Variants in ADARB1 observed in about 807,000 individuals in gnomAD.
The protein encoded by ADARB1 is double-stranded RNA-specific editase 1.
Under a neutral mutation model 52.4 loss-of-function variants are expected in ADARB1, and 10 were observed. The observed-to-expected ratio is 0.19, with a 90% CI of 0.12 to 0.32. The LOEUF is 0.32. Among genes scored for constraint, ADARB1 ranks in the 10% least tolerant of loss-of-function variants. ADARB1 has a pLI of 1.00. For synonymous variants in ADARB1, 349 were observed against 371.1 expected, an observed-to-expected ratio of 0.94 and a Z score of 0.68; for missense variants, 643 against 922.3, an observed-to-expected ratio of 0.70 and a Z score of 3.92.
chr21:45,147,877 G>A (rs1030957486), intron 2 of ADARB1, among the ~76,000 whole-genome samples: 2 of 152,130 alleles, frequency 1.3e-5, no homozygotes, highest in East Asian at 1.9e-4. Flanking sequence ...TGAGCCCCAC[G>A]CAGCGGTTCC....
chr21:45,127,355 G>A (rs948263022), intron 1 of ADARB1, among the ~76,000 whole-genome samples: 1 of 152,216 alleles, frequency 6.6e-6, no homozygotes, highest in Non-Finnish European at 1.5e-5. Context: ...CATTCTCTGT[G>A]CTGGACAAGA....
chr21:45,186,834 G>A (rs775055683), intron 8 of ADARB1, among the ~76,000 whole-genome samples: 1 of 152,160 alleles, frequency 6.6e-6, no homozygotes, highest in Non-Finnish European at 1.5e-5. Context: ...TGTTGAAGAT[G>A]ATTTGAACAT....
chr21:45,141,706 T>C (rs1164427996), intron 2 of ADARB1, among the ~76,000 whole-genome samples: 2 of 142,540 alleles, frequency 1.4e-5, no homozygotes, highest in South Asian at 2.3e-4. Flanking sequence ...CCCTGGGCCA[T>C]GTTAGCCACC....
intron 2 of ADARB1, among the ~76,000 whole-genome samples, chr21:45,161,852 G>C (rs555029010): frequency 1.3e-5 from 2 of 152,168 alleles, no homozygotes; most frequent in Non-Finnish European, 2.9e-5. Flanking sequence ...AAAAACCCCC[G>C]GACTCAGCCA....
intron 2 of ADARB1, among the ~76,000 whole-genome samples, chr21:45,165,008 AGGAGTTG>A (rs2091185571): frequency 6.6e-6 from 1 of 152,296 alleles, no homozygotes; most frequent in African/African-American, 2.4e-5. Flanking sequence ...CAGGTGAACA[AGGAGTTG>A]GCCTTTGTCA....
At chr21:45,114,147 A>G (rs1404009059) in intron 1 of ADARB1, among the ~76,000 whole-genome samples, 1 of 152,214 alleles carries the variant, frequency 6.6e-6, no homozygotes, top group Non-Finnish European at 1.5e-5. Flanking sequence ...GCGGTGGCTT[A>G]CACCAGGGAA....
intron 2 of ADARB1, among the ~76,000 whole-genome samples, chr21:45,165,407 T>G (rs769745272): frequency 3.3e-5 from 5 of 152,224 alleles, no homozygotes; most frequent in Non-Finnish European, 7.3e-5. Flanking sequence ...CCTTTTGCAT[T>G]GCACTAGAAA....
intron 9 of ADARB1, among the ~76,000 whole-genome samples, chr21:45,218,762 C>G (rs565029204): frequency 3.5e-4 from 53 of 152,302 alleles, no homozygotes; most frequent in African/African-American, 1.2e-3. Flanking sequence ...GTGGGGGTGG[C>G]CTCCACAGGG....
intron 1 of ADARB1, among the ~76,000 whole-genome samples, chr21:45,125,265 A>G (rs1326944732): frequency 6.6e-6 from 1 of 152,188 alleles, no homozygotes; most frequent in Non-Finnish European, 1.5e-5. Flanking sequence ...ACTTAGTGAC[A>G]TAAACAACAA....
rs1602075102 is a variant in ADARB1 at position 45,221,214 on chromosome 21, G to A, written c.1926+200G>A. 6.6e-6 allele frequency among the ~76,000 whole-genome samples: 1 copy of A among 152,220 alleles called. No individual in the cohort carries two copies. Among genetic ancestry groups the A allele is most frequent in the Non-Finnish European group, 1.5e-5 (1 of 68,040 alleles). On this transcript the variant is annotated intron_variant, in intron 10 of 10. Transcript: ENST00000348831. The surrounding 1 kb of genome is among the most constrained non-coding windows in gnomAD (Gnocchi z 4.9). Reference sequence around the variant, plus strand: ...CCTGAAACCTTAATGCCATCTCAAAGGCAGCTCTTTTCCTCCCTGCTGCAG... The same window carrying A: ...CCTGAAACCTTAATGCCATCTCAAAAGCAGCTCTTTTCCTCCCTGCTGCAG...
At position 45,224,648 on chromosome 21, in the gene ADARB1, A is replaced by T. The variant is rs11701974; in HGVS notation, c.*2451A>T. On this transcript the variant is annotated 3_prime_UTR_variant, in exon 11 of 11. Transcript: ENST00000348831. ...GGGAGCCCTGGGCGGGGTGGCTGTC[A>T]GGGGGAACTGGGTTCCGGGAGCCCT... The T allele has an allele frequency of 1.2e-6, 1 of 827,650 alleles. No homozygotes were observed. Among genetic ancestry groups the T allele is most frequent in the South Asian group, 5.8e-5 (1 of 17,166 alleles). 51.3% of individuals were successfully genotyped at this position (827,650 alleles called of 1,614,324 possible).
Position 45,203,056 on chromosome 21 carries a change from C to T in ADARB1, c.1566-1499C>T, listed in dbSNP as rs531776712. Among the ~76,000 whole-genome samples, 6 of 152,354 alleles carry T rather than the reference C, an allele frequency of 3.9e-5. No homozygotes were observed. The East Asian group carries it at 5.8e-4, about 15-fold the overall frequency. ...CCTGCAGCGCGTGCCACACTGCTGACGCCACTTCGTAAAATGCGCATGCGC... is the reference window on the plus strand; with the variant it reads ...CCTGCAGCGCGTGCCACACTGCTGATGCCACTTCGTAAAATGCGCATGCGC... On this transcript the variant is annotated intron_variant, in intron 8 of 10. Transcript: ENST00000348831.
In ADARB1 at chr21:45,176,141, A is replaced by C; in HGVS notation, c.440A>C (p.Asn147Thr). 6.2e-7 allele frequency: 1 copy of C among 1,614,154 alleles called. No homozygotes were observed. The highest frequency in any genetic ancestry group is 8.5e-7 in the Non-Finnish European group (1 of 1,180,024). The part of the protein sequence containing the change: ...KALRSFVQFP[N>T]ASEAHLAMGR... ...TTGAGGTCTTTCGTTCAGTTTCCTA[A>C]TGCCTCTGAGGCCCACCTGGCCATG... The change falls in exon 4 of 11, where the codon AAT becomes ACT. Residue 147 changes from asparagine (N) to threonine (T), a missense_variant. This residue lies in a region of ADARB1 where 380 missense variants were observed against 446.5 expected (regional missense o/e 0.85). Transcript: ENST00000348831. The surrounding 1 kb of genome is among the most constrained non-coding windows in gnomAD (Gnocchi z 5.8).
At chr21:45,076,207 A>C (rs3788152) in intron 1 of ADARB1, among the ~76,000 whole-genome samples, 16,807 of 152,306 alleles carry the variant, frequency 0.11, 1,232 homozygotes, top group East Asian at 0.27. Flanking sequence ...AAGAAAGGAT[A>C]AAAGCTTGGC....
Position 45,223,022 on chromosome 21 carries a change from G to C in ADARB1, c.*825G>C. The C allele has an allele frequency of 1.0e-6, 1 of 985,414 alleles. No individual in the cohort carries two copies. The highest frequency in any genetic ancestry group is 1.7e-5 in the African/African-American group (1 of 57,348). The allele number at this position is 985,414 out of a possible 1,614,324, so 61.0% of individuals were successfully genotyped here. Reference sequence around the variant, plus strand: ...GATAATACATGGCCAGTAATCCCAGGCTGGCCATTCATTCAGGTTTTTTAA... The same window carrying C: ...GATAATACATGGCCAGTAATCCCAGCCTGGCCATTCATTCAGGTTTTTTAA... On this transcript the variant is annotated 3_prime_UTR_variant, in exon 11 of 11. Transcript: ENST00000348831.
intron 9 of ADARB1, among the ~76,000 whole-genome samples, chr21:45,211,781 C>T (rs57570541): frequency 0.024 from 3,689 of 152,188 alleles, 149 homozygotes; most frequent in African/African-American, 0.085. Context: ...GTTTCTGTAC[C>T]GCGGCCTGGG....
At chr21:45,152,630 C>T in intron 2 of ADARB1, 1 of 448,918 alleles carries the variant, frequency 2.2e-6, no homozygotes, top group South Asian at 1.6e-5. Context: ...CACCACTGGG[C>T]CTTTGCACAT....
intron 2 of ADARB1, among the ~76,000 whole-genome samples, chr21:45,136,785 GTC>G (rs1408436580): frequency 1.3e-5 from 2 of 152,260 alleles, no homozygotes; most frequent in African/African-American, 4.8e-5. Context: ...CCCAGCTGGT[GTC>G]CACAGGGGCC....
chr21:45,179,209 C>A (rs541613966), intron 4 of ADARB1, among the ~76,000 whole-genome samples: 1 of 152,174 alleles, frequency 6.6e-6, no homozygotes, highest in African/African-American at 2.4e-5. Context: ...CCGCTGCCTG[C>A]GGGTGCATGG....
Sources: gnomAD v4.1 joint callset for allele counts (sites outside exome capture counted in the v4.1 genomes callset) on GRCh38, gnomAD v4.1.1 for gene constraint, gnomAD v4.1.1 regional missense constraint, Gnocchi (gnomAD v3.1) non-coding constraint, MANE v1.5 for transcripts, NCBI Gene and HGNC (gene_info 2026-07-23, HGNC 2026-07-21) for gene names.